UNC80: variants seen among roughly 807,000 people sequenced by gnomAD.
The protein encoded by UNC80 is protein unc-80 homolog.
Under a neutral mutation model 384.6 loss-of-function variants are expected in UNC80, and 164 were observed. The observed-to-expected ratio is 0.43, with a 90% CI of 0.38 to 0.49. UNC80 has a LOEUF of 0.49. UNC80 is among the 20% of genes least tolerant of loss of function. UNC80 has a pLI of 0.00. For missense variants in UNC80, 3,330 were observed against 4,143.0 expected (o/e 0.80, Z 5.39); for synonymous variants, 1,486 against 1,527.8 (o/e 0.97, Z 0.64).
intron 29 of UNC80, among the ~76,000 whole-genome samples, chr2:209,911,806 A>G (rs967823479): frequency 6.6e-6 from 1 of 152,210 alleles, no homozygotes; most frequent in African/African-American, 2.4e-5. Flanking sequence ...TGCCTTCGTT[A>G]GGTTCAGTCC....
intron 16 of UNC80, among the ~76,000 whole-genome samples, chr2:209,832,506 G>A (rs1440077343): frequency 6.6e-6 from 1 of 152,048 alleles, no homozygotes; most frequent in African/African-American, 2.4e-5. Context: ...TGCACATGTG[G>A]ACCCTATCAG....
intron 32 of UNC80, 145 bp from the exon 33 acceptor site, chr2:209,918,387 A>G (rs1346676012): frequency 2.2e-6 from 2 of 927,602 alleles, no homozygotes; most frequent in Non-Finnish European, 3.2e-6. Flanking sequence ...CTTGGCAAAT[A>G]GCCCTTTTCT....
At chr2:209,989,559 G>A (rs1272231520) in intron 61 of UNC80, among the ~76,000 whole-genome samples, 1 of 152,116 alleles carries the variant, frequency 6.6e-6, no homozygotes, top group Non-Finnish European at 1.5e-5. Flanking sequence ...TCCCTAAAGG[G>A]AAAAATAATT....
At chr2:209,864,847 T>G (rs1163227148) in intron 22 of UNC80, among the ~76,000 whole-genome samples, 1 of 152,202 alleles carries the variant, frequency 6.6e-6, no homozygotes, top group African/African-American at 2.4e-5. Context: ...TCAAATGGCT[T>G]AAACAGCAGG....
chr2:209,786,947 A>C (rs1036735289), intron 5 of UNC80, among the ~76,000 whole-genome samples: 1 of 148,662 alleles, frequency 6.7e-6, no homozygotes, highest in Non-Finnish European at 1.5e-5. Context: ...TAAAATTTAA[A>C]AAGAAATAAA....
chr2:209,978,309 T>C (rs1469124099), intron 58 of UNC80, among the ~76,000 whole-genome samples: 1 of 152,242 alleles, frequency 6.6e-6, no homozygotes, highest in Non-Finnish European at 1.5e-5. Flanking sequence ...ACAGATGTTA[T>C]GTTCTGGCAA....
Position 209,934,137 on chromosome 2 carries a change from G to T in UNC80, c.6178+132G>T, listed in dbSNP as rs73078962. On this transcript the variant is annotated intron_variant, in intron 39 of 64. Coordinates refer to ENST00000673920, the MANE Select transcript of UNC80 (RefSeq NM_001371986.1). ...AACCCCCAGTATTGAGTGCTTCAAA[G>T]AATTTTTGTTTAATATAATCAGAGG... 258 of 883,738 alleles carry T rather than the reference G, an allele frequency of 2.9e-4. 1 individual carries two copies. In the African/African-American group the frequency reaches 3.4e-3, roughly 12 times the overall value. 54.7% of individuals were successfully genotyped at this position (883,738 alleles called of 1,614,324 possible). A position where few individuals can be genotyped will look rare whatever the true frequency, so the allele number is the denominator to read the frequency against.
chr2:209,903,432 A>T, intron 28 of UNC80, among the ~76,000 whole-genome samples: 1 of 115,110 alleles, frequency 8.7e-6, no homozygotes, highest in East Asian at 2.2e-4. Context: ...ATATATTTAT[A>T]TATATACACA....
rs141550802 is a variant in UNC80, at chr2:209,807,522, G to A, written c.939-6058G>A. ...TGGGACTATAGGCGCCCACCACCAC[G>A]CCCAGCTATTTTTTGTATTTTTAGT... On this transcript the variant is annotated intron_variant, in intron 7 of 64. Transcript: ENST00000673920. Among the ~76,000 whole-genome samples, 483 of 151,834 alleles carry A rather than the reference G, an allele frequency of 3.2e-3. 5 individuals are homozygous for A. The highest frequency in any genetic ancestry group is 0.011 in the African/African-American group (454 of 41,414).
chr2:209,866,653 T>C (rs1043321043), intron 22 of UNC80, among the ~76,000 whole-genome samples: 5 of 152,188 alleles, frequency 3.3e-5, no homozygotes, highest in African/African-American at 1.2e-4. Context: ...GTTTTAACTG[T>C]GTTTTAGTCT....
chr2:209,985,675 G>T (rs1245741931), intron 61 of UNC80, among the ~76,000 whole-genome samples: 1 of 152,220 alleles, frequency 6.6e-6, no homozygotes, highest in African/African-American at 2.4e-5. Flanking sequence ...ATCTTGTGCT[G>T]TTGATTCACA....
chr2:209,913,215 C>A (rs1420515743), intron 30 of UNC80, among the ~76,000 whole-genome samples: 1 of 152,100 alleles, frequency 6.6e-6, no homozygotes, highest in African/African-American at 2.4e-5. Context: ...GTTCTCCCCC[C>A]CAAAAAAATT....
chr2:209,936,866 T>C lies in UNC80; in HGVS notation c.6296T>C (p.Ile2099Thr). The C allele has an allele frequency of 3.2e-6, 5 of 1,550,562 alleles. No homozygotes were observed. The highest frequency in any genetic ancestry group is 4.4e-6 in the Non-Finnish European group (5 of 1,146,034). ...TAGGAGTGTCTGGAGTTTTTTAATA[T>C]CCCAGAATCCCAGTCAACACATTAT... ...LLKECLEFFN[I>T]PESQSTHYFL... Residue 2099 changes from isoleucine to threonine, a missense_variant, in exon 41 of 65, where the codon ATC becomes ACC. By Grantham distance (89) the Ile-to-Thr change is moderately conservative. Coordinates refer to ENST00000673920, the MANE Select transcript of UNC80 (RefSeq NM_001371986.1).
At chr2:209,803,558 C>A (rs745403995) in intron 7 of UNC80, among the ~76,000 whole-genome samples, 1 of 152,124 alleles carries the variant, frequency 6.6e-6, no homozygotes, top group Non-Finnish European at 1.5e-5. Flanking sequence ...TCATTTATTT[C>A]TATGTCAGTA....
intron 4 of UNC80, among the ~76,000 whole-genome samples, chr2:209,779,041 C>T (rs1043381423): frequency 6.6e-6 from 1 of 152,202 alleles, no homozygotes; most frequent in East Asian, 1.9e-4. Context: ...CATTGCCCAT[C>T]AAACATACTA....
intron 22 of UNC80, among the ~76,000 whole-genome samples, chr2:209,866,015 A>G (rs1009491675): frequency 4.6e-5 from 7 of 152,040 alleles, no homozygotes; most frequent in Non-Finnish European, 1.5e-5. Flanking sequence ...GTCACTTTGA[A>G]TATCTTCTCT....
At position 209,918,734 on chromosome 2, in the gene UNC80, G is replaced by A. The variant is rs1409790136; in HGVS notation, c.5343+71G>A. Reference sequence around the variant, plus strand: ...GAACAATTAATATTTGTGGTAATTTGTTCATTCTCATCATAAGAATGTAAT... The same window carrying A: ...GAACAATTAATATTTGTGGTAATTTATTCATTCTCATCATAAGAATGTAAT... On this transcript the variant is annotated intron_variant, in intron 33 of 64. Transcript: ENST00000673920. 4.2e-6 allele frequency: 6 copies of A among 1,424,410 alleles called. No individual in the cohort carries two copies. The African/African-American group carries it at 4.3e-5, about 10-fold the overall frequency. The allele number at this position is 1,424,410 out of a possible 1,614,324, so 88.2% of individuals were successfully genotyped here.
chr2:209,798,779 G>A (rs954826744), intron 7 of UNC80, among the ~76,000 whole-genome samples: 13 of 150,296 alleles, frequency 8.6e-5, no homozygotes, highest in African/African-American at 2.9e-4. Context: ...CCAGGTTCAC[G>A]CCATTCTCCT....
intron 25 of UNC80, among the ~76,000 whole-genome samples, chr2:209,885,066 T>C (rs2085655930): frequency 6.6e-6 from 1 of 151,600 alleles, no homozygotes; most frequent in Non-Finnish European, 1.5e-5. Flanking sequence ...TTAAATTAAA[T>C]TAATTCTTTT....
Sources: allele counts gnomAD v4.1 joint callset (sites outside exome capture counted in the v4.1 genomes callset), GRCh38; gene constraint gnomAD v4.1.1; transcripts MANE v1.5; gene names NCBI Gene and HGNC (gene_info 2026-07-23, HGNC 2026-07-21).